Variants in UNC13C observed in about 807,000 individuals in gnomAD.
The protein encoded by UNC13C is protein unc-13 homolog C.
In UNC13C, 174 loss-of-function variants were observed where a neutral mutation model predicts 245.4. The observed-to-expected ratio is 0.71, with a 90% CI of 0.63 to 0.80. The LOEUF is 0.80. Among genes scored for constraint, UNC13C ranks in the 30% least tolerant of loss-of-function variants. The pLI is 0.00. For missense variants in UNC13C, 2,829 were observed against 2,602.9 expected, an observed-to-expected ratio of 1.09 and a Z score of -1.89; for synonymous variants, 992 against 895.1, an observed-to-expected ratio of 1.11 and a Z score of -1.93.
rs199661401 is a variant in UNC13C, at chr15:54,320,389, C to CT, written c.4269-1542dup. On this transcript the variant is annotated intron_variant, in intron 13 of 32. Coordinates refer to ENST00000260323, the MANE Select transcript of UNC13C (RefSeq NM_001080534.3). ...ACACATCTTTGTGGCAAATTACGTTCTTTTTTTTAAAGACACATTTATTCC... is the reference window on the plus strand; with the variant it reads ...ACACATCTTTGTGGCAAATTACGTTCTTTTTTTTTAAAGACACATTTATTCC... 8.2e-4 allele frequency among the ~76,000 whole-genome samples: 124 copies of CT among 151,804 alleles called. 2 individuals carry two copies. In the East Asian group the frequency reaches 0.022, roughly 27 times the overall value.
chr15:54,240,978 C>T (rs2035836467), intron 7 of UNC13C, among the ~76,000 whole-genome samples: 1 of 152,146 alleles, frequency 6.6e-6, no homozygotes, highest in Non-Finnish European at 1.5e-5. Context: ...TAGCGAACAA[C>T]TCAGCCAAAA....
At chr15:54,407,562 G>T (rs538305811) in intron 18 of UNC13C, among the ~76,000 whole-genome samples, 1 of 152,098 alleles carries the variant, frequency 6.6e-6, no homozygotes, top group African/African-American at 2.4e-5. Context: ...AAGAAACTTT[G>T]CATTCTTTTT....
At chr15:54,359,551 T>A (rs923859920) in intron 17 of UNC13C, among the ~76,000 whole-genome samples, 1 of 151,976 alleles carries the variant, frequency 6.6e-6, no homozygotes. Context: ...CTCTATTTCT[T>A]CATGATTCAG....
downstream of UNC13C, chr15:54,629,683 A>G (rs1036399326): frequency 6.6e-6 from 1 of 152,212 alleles, no homozygotes; most frequent in African/African-American, 2.4e-5. Context: ...ATTTTACAGA[A>G]CATTGACTTA....
At chr15:54,193,455 A>G (rs902185505) in intron 4 of UNC13C, among the ~76,000 whole-genome samples, 12 of 152,080 alleles carry the variant, frequency 7.9e-5, no homozygotes, top group African/African-American at 1.7e-4. Flanking sequence ...CCCTAAAGGC[A>G]ATCACCTTTT....
intron 2 of UNC13C, among the ~76,000 whole-genome samples, chr15:54,032,718 A>T (rs1896410595): frequency 6.6e-6 from 1 of 152,180 alleles, no homozygotes; most frequent in Non-Finnish European, 1.5e-5. Context: ...AATACAAGTT[A>T]TTGTGCTGGA....
At chr15:54,595,057 A>G (rs1353507213) in intron 30 of UNC13C, among the ~76,000 whole-genome samples, 1 of 152,228 alleles carries the variant, frequency 6.6e-6, no homozygotes, top group Non-Finnish European at 1.5e-5. Context: ...ATTCGATAAG[A>G]TGTATAGCAG....
At position 54,046,396 on chromosome 15, in the gene UNC13C, T is replaced by C. The variant is rs1334990607; in HGVS notation, c.2983+30510T>C. On this transcript the variant is annotated intron_variant, in intron 2 of 32. Coordinates refer to ENST00000260323, the MANE Select transcript of UNC13C (RefSeq NM_001080534.3). Reference sequence around the variant, plus strand: ...TGTTTTTCCAGAGTCTCATCAACAATGTATATTGTCAAACTTCTATATTTT... The same window carrying C: ...TGTTTTTCCAGAGTCTCATCAACAACGTATATTGTCAAACTTCTATATTTT... Among the ~76,000 whole-genome samples the C allele has an allele frequency of 2.6e-5, 4 of 152,296 alleles. No individual in the cohort carries two copies. In the East Asian group the frequency reaches 7.7e-4, roughly 29 times the overall value.
chr15:54,468,342 A>T (rs1471606767), intron 19 of UNC13C, among the ~76,000 whole-genome samples: 2 of 151,544 alleles, frequency 1.3e-5, no homozygotes, highest in Non-Finnish European at 3.0e-5. Context: ...GTATTAATGT[A>T]TTTTGGATAT....
intron 14 of UNC13C, among the ~76,000 whole-genome samples, chr15:54,328,884 C>T (rs1044966380): frequency 6.6e-6 from 1 of 151,918 alleles, no homozygotes; most frequent in Non-Finnish European, 1.5e-5. Flanking sequence ...TTCAAATTTC[C>T]ACATCCATAA....
In UNC13C at chr15:54,624,016, C is replaced by T. The variant is rs539889532; in HGVS notation, c.6359+62C>T. The T allele has an allele frequency of 3.2e-4, 505 of 1,595,456 alleles. 1 individual carries two copies. Among genetic ancestry groups the T allele is most frequent in the Non-Finnish European group, 4.2e-4 (489 of 1,167,854 alleles). Reference sequence around the variant, plus strand: ...AATAGTTACTGTACAGCTGACCTTACTGAGGGATTTGGAGTGTGAAGGGCT... The same window carrying T: ...AATAGTTACTGTACAGCTGACCTTATTGAGGGATTTGGAGTGTGAAGGGCT... On this transcript the variant is annotated intron_variant, in intron 32 of 32. Transcript: ENST00000260323.
At chr15:53,952,618 G>A in the UNC13C span, among the ~76,000 whole-genome samples, 9 of 152,252 alleles carry the variant, frequency 5.9e-5, no homozygotes, top group South Asian at 4.2e-4. Flanking sequence ...ATTTAATTGC[G>A]TGGGCTGTGA....
At position 54,278,916 on chromosome 15, in the gene UNC13C, T is replaced by C. The variant is rs142110536; in HGVS notation, c.3818+13420T>C. ...ACAGTATTTGTTATACTTTTTAAAA[T>C]ATAAGCTATGCTTATGTTTGATCAA... On this transcript the variant is annotated intron_variant, in intron 10 of 32. Transcript: ENST00000260323. 8.8e-3 allele frequency among the ~76,000 whole-genome samples: 1,341 copies of C among 152,330 alleles called. 21 individuals are homozygous for C. The highest frequency in any genetic ancestry group is 0.031 in the African/African-American group (1,278 of 41,574).
chr15:54,457,592 G>A (rs1891601565), intron 19 of UNC13C, among the ~76,000 whole-genome samples: 2 of 151,750 alleles, frequency 1.3e-5, no homozygotes, highest in African/African-American at 4.8e-5. Flanking sequence ...TTTTTTCCTG[G>A]TTTAATTTAG....
intron 31 of UNC13C, among the ~76,000 whole-genome samples, chr15:54,622,903 T>G (rs1042994336): frequency 1.3e-5 from 2 of 152,128 alleles, no homozygotes; most frequent in Non-Finnish European, 1.5e-5. Flanking sequence ...AACAATACGC[T>G]CGTTCTATTT....
chr15:54,320,183 T>C (rs892434235), intron 13 of UNC13C, among the ~76,000 whole-genome samples: 5 of 151,942 alleles, frequency 3.3e-5, no homozygotes, highest in Non-Finnish European at 7.4e-5. Flanking sequence ...ACTTTACAAC[T>C]GTGAGAGGCA....
chr15:54,269,941 T>C (rs2036642393), intron 10 of UNC13C, among the ~76,000 whole-genome samples: 1 of 152,184 alleles, frequency 6.6e-6, no homozygotes, highest in Non-Finnish European at 1.5e-5. Flanking sequence ...TTCAAAATAT[T>C]TTCCACTTTA....
chr15:54,182,406 C>G (rs757281749), intron 4 of UNC13C, among the ~76,000 whole-genome samples: 7 of 152,056 alleles, frequency 4.6e-5, no homozygotes, highest in Non-Finnish European at 1.0e-4. Context: ...GGTGAATTAA[C>G]TTTTTGATAT....
intron 4 of UNC13C, among the ~76,000 whole-genome samples, chr15:54,212,781 C>A (rs1179737628): frequency 6.6e-6 from 1 of 152,062 alleles, no homozygotes; most frequent in Non-Finnish European, 1.5e-5. Context: ...ATGGATATGT[C>A]CTCTTTCAGA....
Sources: allele counts gnomAD v4.1 joint callset (sites outside exome capture counted in the v4.1 genomes callset), GRCh38; gene constraint gnomAD v4.1.1; transcripts MANE v1.5; gene names NCBI Gene and HGNC (gene_info 2026-07-23, HGNC 2026-07-21).